The following B3GLCT variants were observed in gnomAD, a reference collection of about 807,000 sequenced individuals.
The protein encoded by B3GLCT is beta-1,3-glucosyltransferase.
B3GLCT carries 65 observed loss-of-function variants against 63.4 expected under a neutral mutation model. The observed-to-expected ratio is 1.03, with a 90% CI of 0.84 to 1.26. The LOEUF (loss-of-function observed/expected upper bound fraction) is 1.26, where lower values mean the gene tolerates loss of function less well. Among genes scored for constraint, B3GLCT ranks in the 50% most tolerant of loss-of-function variants. The probability of loss-of-function intolerance (pLI) is 0.00; values close to 1 mark genes in which losing one functional copy is unlikely to be tolerated. For synonymous variants in B3GLCT, 233 were observed against 219.2 expected (o/e 1.06, Z -0.55); for missense variants, 577 against 604.8 (o/e 0.95, Z 0.48).
intron 7 of B3GLCT, among the ~76,000 whole-genome samples, chr13:31,262,345 C>G (rs1379883043): frequency 6.6e-6 from 1 of 152,260 alleles, no homozygotes; most frequent in African/African-American, 2.4e-5. Context: ...GACTCACGCA[C>G]TCAGTCCTGG....
chr13:31,293,200 T>C (rs992122527), intron 12 of B3GLCT, among the ~76,000 whole-genome samples: 3 of 152,236 alleles, frequency 2.0e-5, no homozygotes, highest in African/African-American at 7.2e-5. Flanking sequence ...TTACATTTGC[T>C]GAGGAGTGTT....
At chr13:31,294,768 C>T (rs544441448) in intron 12 of B3GLCT, among the ~76,000 whole-genome samples, 18 of 152,254 alleles carry the variant, frequency 1.2e-4, no homozygotes, top group African/African-American at 4.3e-4. Context: ...TCCTTTAACT[C>T]GGAGGAGTTT....
At chr13:31,266,123 G>A (rs35676357) in intron 7 of B3GLCT, among the ~76,000 whole-genome samples, 7,110 of 151,930 alleles carry the variant, frequency 0.047, 289 homozygotes, top group Middle Eastern at 0.13. Flanking sequence ...TCAGCCTCCC[G>A]AGTAGCTGGG....
intron 2 of B3GLCT, among the ~76,000 whole-genome samples, chr13:31,221,745 AT>A (rs1266669250): frequency 6.6e-6 from 1 of 152,132 alleles, no homozygotes; most frequent in East Asian, 1.9e-4. Flanking sequence ...GCCGCTCCCA[AT>A]TTTGTTGGTA....
At chr13:31,287,842 A>G (rs1873420470) in intron 12 of B3GLCT, among the ~76,000 whole-genome samples, 3 of 152,242 alleles carry the variant, frequency 2.0e-5, no homozygotes, top group African/African-American at 4.8e-5. Flanking sequence ...GATGAAAACT[A>G]CATTCTTGAT....
At position 31,330,575 on chromosome 13, in the gene B3GLCT, C is replaced by G. The variant is rs1391253846; in HGVS notation, c.*907C>G. On this transcript the variant is annotated 3_prime_UTR_variant, in exon 15 of 15. Coordinates refer to ENST00000343307, the MANE Select transcript of B3GLCT (RefSeq NM_194318.4). ...TTTTTTTAAATGTTACTTAATGACT[C>G]TCTCCTGACTCAGGAGAGAAACCCC... 2 of 137,658 alleles carry G rather than the reference C, an allele frequency of 1.5e-5. No homozygotes were observed. Among genetic ancestry groups the G allele is most frequent in the Non-Finnish European group, 3.1e-5 (2 of 65,042 alleles). The allele number at this position is 137,658 out of a possible 1,614,324, so 8.5% of individuals were successfully genotyped here.
chr13:31,295,763 G>A (rs998041130), intron 12 of B3GLCT, among the ~76,000 whole-genome samples: 1 of 152,168 alleles, frequency 6.6e-6, no homozygotes, highest in Admixed American at 6.5e-5. Flanking sequence ...CGTGGGGGTG[G>A]GGTTCGCTGA....
intron 6 of B3GLCT, among the ~76,000 whole-genome samples, chr13:31,258,114 T>A (rs1400440358): frequency 6.6e-6 from 1 of 152,180 alleles, no homozygotes. Flanking sequence ...ATTCATCAGG[T>A]CACATTTGAA....
At chr13:31,298,058 C>T (rs566324172) in intron 12 of B3GLCT, among the ~76,000 whole-genome samples, 1 of 152,314 alleles carries the variant, frequency 6.6e-6, no homozygotes, top group African/African-American at 2.4e-5. Flanking sequence ...ACTTGACTTT[C>T]AGCTGCTTTC....
At chr13:31,269,712 T>C (rs562735939) in intron 8 of B3GLCT, among the ~76,000 whole-genome samples, 73 of 148,114 alleles carry the variant, frequency 4.9e-4, no homozygotes, top group African/African-American at 1.7e-3. Context: ...CTGTGGGAGG[T>C]GATAGGGGCA....
chr13:31,301,917 ACCACCTAAATATGT>A (rs1325747438), intron 12 of B3GLCT, among the ~76,000 whole-genome samples: 1 of 152,096 alleles, frequency 6.6e-6, no homozygotes, highest in Non-Finnish European at 1.5e-5. Flanking sequence ...TTTTTTAATA[ACCACCTAAATATGT>A]CCACCCTCCT....
intron 4 of B3GLCT, among the ~76,000 whole-genome samples, chr13:31,232,070 A>G (rs1037635578): frequency 6.6e-6 from 1 of 152,216 alleles, no homozygotes; most frequent in Non-Finnish European, 1.5e-5. Flanking sequence ...AGGAACCTCC[A>G]TTGCTTGTTA....
intron 11 of B3GLCT, among the ~76,000 whole-genome samples, chr13:31,285,987 G>C (rs1873311932): frequency 6.6e-6 from 1 of 152,060 alleles, no homozygotes; most frequent in Admixed American, 6.6e-5. Context: ...GAAAATAAAG[G>C]TCAAATTGAG....
chr13:31,310,113 T>C (rs1034967217), intron 12 of B3GLCT, among the ~76,000 whole-genome samples: 1 of 152,104 alleles, frequency 6.6e-6, no homozygotes, highest in Admixed American at 6.5e-5. Flanking sequence ...CCTCGATGCC[T>C]TTTAGCTAAT....
At chr13:31,258,001 G>T (rs184069692) in intron 6 of B3GLCT, among the ~76,000 whole-genome samples, 36 of 152,296 alleles carry the variant, frequency 2.4e-4, no homozygotes, top group African/African-American at 7.2e-4. Context: ...TAATGTGTCG[G>T]ATGGTAACAA....
At chr13:31,245,786 T>C (rs1871173245) in intron 4 of B3GLCT, among the ~76,000 whole-genome samples, 1 of 152,168 alleles carries the variant, frequency 6.6e-6, no homozygotes, top group Admixed American at 6.5e-5. Context: ...ATATATTTGC[T>C]GGAATTTTAA....
intron 10 of B3GLCT, among the ~76,000 whole-genome samples, chr13:31,284,428 A>G (rs2137876941): frequency 6.6e-6 from 1 of 152,352 alleles, no homozygotes; most frequent in African/African-American, 2.4e-5. Context: ...ACCAGGAATG[A>G]GAAATGCTTT....
chr13:31,286,858 A>G, intron 12 of B3GLCT, 39 bp downstream of exon 12: 1 of 1,388,010 alleles, frequency 7.2e-7, no homozygotes, highest in South Asian at 1.2e-5. Flanking sequence ...TTTAAATTCT[A>G]CATATATTCA....
intron 13 of B3GLCT, 124 bp from the exon 14 acceptor site, chr13:31,323,623 GTAAC>G (rs1357234183): frequency 9.4e-7 from 1 of 1,069,172 alleles, no homozygotes; most frequent in Non-Finnish European, 1.4e-6. Context: ...CTAGAGCTCA[GTAAC>G]TAGAGAAAGC....
Sources: allele counts gnomAD v4.1 joint callset (sites outside exome capture counted in the v4.1 genomes callset), GRCh38; gene constraint gnomAD v4.1.1; transcripts MANE v1.5; gene names NCBI Gene and HGNC (gene_info 2026-07-23, HGNC 2026-07-21).